The following PDIA6 variants were observed in gnomAD, a reference collection of about 807,000 sequenced individuals.
The protein encoded by PDIA6 is protein disulfide isomerase family A member 6.
In PDIA6, 29 loss-of-function variants were observed where a neutral mutation model predicts 58.4. That is an observed-to-expected ratio of 0.50 (90% CI 0.37 to 0.68). PDIA6 has a LOEUF of 0.68. Ranked by LOEUF, PDIA6 falls within the 30% of genes least tolerant of loss-of-function variation. PDIA6 has a pLI of 0.00. For missense variants in PDIA6, 480 were observed against 551.0 expected, an observed-to-expected ratio of 0.87 and a Z score of 1.29; for synonymous variants, 192 against 202.6, an observed-to-expected ratio of 0.95 and a Z score of 0.44.
intron 2 of PDIA6, among the ~76,000 whole-genome samples, chr2:10,817,844 A>G (rs559625065): frequency 6.6e-6 from 1 of 152,348 alleles, no homozygotes; most frequent in East Asian, 1.9e-4. Context: ...AGAAGATTCT[A>G]TAGTTTTAGC....
chr2:10,797,121 C>G lies in PDIA6; in HGVS notation c.306G>C (p.Lys102Asn). 1 of 1,613,514 alleles carries G rather than the reference C, an allele frequency of 6.2e-7. No homozygotes were observed. Among genetic ancestry groups the G allele is most frequent in the Admixed American group, 1.7e-5 (1 of 59,982 alleles). Reference sequence around the variant, plus strand: ...GTCTGTTTTTGTTGGATCCAAAAATCTTAATGGTAGGAAATCCCTGAACAC... The same window carrying G: ...GTCTGTTTTTGTTGGATCCAAAAATGTTAATGGTAGGAAATCCCTGAACAC... Reference protein sequence around the residue: ...QYGVQGFPTIKIFGSNKNRPE... With the variant: ...QYGVQGFPTINIFGSNKNRPE... The change falls in exon 4 of 13, where the codon AAG (lysine) becomes AAC (asparagine). Residue 102 changes from lysine (K) to asparagine (N), a missense_variant. Physicochemically the swap from Lys to Asn is moderately conservative, Grantham distance 94. Coordinates refer to ENST00000272227, the MANE Select transcript of PDIA6 (RefSeq NM_005742.4).
chr2:10,790,887 T>C, intron 6 of PDIA6, 54 bp from the exon 7 acceptor site: 1 of 1,332,342 alleles, frequency 7.5e-7, no homozygotes, highest in South Asian at 1.2e-5. Context: ...TCTCTCTCTG[T>C]TGCCCAGGCT....
At chr2:10,823,768 C>T (rs1667470044) in intron 1 of PDIA6, among the ~76,000 whole-genome samples, 1 of 152,070 alleles carries the variant, frequency 6.6e-6, no homozygotes, top group African/African-American at 2.4e-5. Context: ...ACACTCACAC[C>T]TCCAGTCATA....
intron 1 of PDIA6, among the ~76,000 whole-genome samples, chr2:10,825,306 G>A (rs1261717117): frequency 8.7e-5 from 13 of 150,094 alleles, no homozygotes; most frequent in African/African-American, 2.4e-4. Flanking sequence ...CTCTCTCTCT[G>A]TATATATATA....
In PDIA6 at chr2:10,797,146, C is replaced by T. The variant is rs1666299195; in HGVS notation, c.281G>A (p.Gly94Asp). The change falls in exon 4 of 13, where the codon GGT (glycine) becomes GAT (aspartate). Residue 94 changes from glycine (G) to aspartate (D), a missense_variant. Coordinates refer to ENST00000272227, the MANE Select transcript of PDIA6 (RefSeq NM_005742.4). ...DKHHSLGGQY[G>D]VQGFPTIKIF... ...CTTAATGGTAGGAAATCCCTGAACA[C>T]CATACTGACCTCCTAGGGAATGATG... 1 of 1,611,504 alleles carries T rather than the reference C, an allele frequency of 6.2e-7. No individual in the cohort carries two copies. The highest frequency in any genetic ancestry group is 1.7e-5 in the Admixed American group (1 of 59,976).
rs368437303 is a variant in PDIA6, at chr2:10,787,397, G to A, written c.1041C>T (p.Thr347=). 1.4e-5 allele frequency: 23 copies of A among 1,613,998 alleles called. No homozygotes were observed. Among genetic ancestry groups the A allele is most frequent in the East Asian group, 4.5e-5 (2 of 44,876 alleles). Residue 347 remains threonine (T), a synonymous_variant, in exon 11 of 13, where the codon ACC becomes ACT. Coordinates refer to ENST00000272227, the MANE Select transcript of PDIA6 (RefSeq NM_005742.4). ...ACCCAAACCCTCCAATCCCCAACGC[G>A]GTCTCAAGTTCAGACTGGGCTCCAG... ...TEAGAQSELE[T]ALGIGGFGYP...
At chr2:10,818,166 C>CTT (rs571475237) in intron 2 of PDIA6, among the ~76,000 whole-genome samples, 5 of 144,734 alleles carry the variant, frequency 3.5e-5, no homozygotes, top group African/African-American at 7.6e-5. Context: ...ACCACTTTAA[C>CTT]TTTTTTTTTT....
intron 1 of PDIA6, among the ~76,000 whole-genome samples, chr2:10,822,552 G>A (rs757212358): frequency 6.0e-4 from 92 of 152,210 alleles, no homozygotes; most frequent in African/African-American, 1.9e-3. Context: ...GTGAGCCACC[G>A]TGCCTGGCCT....
chr2:10,830,149 C>T (rs982007069), intron 1 of PDIA6, among the ~76,000 whole-genome samples: 2 of 152,204 alleles, frequency 1.3e-5, no homozygotes, highest in African/African-American at 2.4e-5. Context: ...TCCTTGCACC[C>T]GCATGTAGAA....
intron 8 of PDIA6, 96 bp from the exon 9 acceptor site, chr2:10,789,077 T>C (rs1665914136): frequency 4.7e-6 from 4 of 843,112 alleles, no homozygotes; most frequent in Non-Finnish European, 8.2e-6. Flanking sequence ...GTCACTTTCA[T>C]TGAAAACATT....
chr2:10,784,213 T>C lies in PDIA6; in HGVS notation c.*45A>G, dbSNP rs1270344905. ...TCCCTTCACTGCTGGAAAAATCCAC[T>C]GGCTCCCAAGAAAAGAAAATGGTCT... On this transcript the variant is annotated 3_prime_UTR_variant, in exon 13 of 13. Coordinates refer to ENST00000272227, the MANE Select transcript of PDIA6 (RefSeq NM_005742.4). 1 of 1,507,730 alleles carries C rather than the reference T, an allele frequency of 6.6e-7. No individual in the cohort carries two copies. The highest frequency in any genetic ancestry group is 9.1e-7 in the Non-Finnish European group (1 of 1,093,938). The allele number at this position is 1,507,730 out of a possible 1,614,324, so 93.4% of individuals were successfully genotyped here. A position where few individuals can be genotyped will look rare whatever the true frequency, so the allele number is the denominator to read the frequency against.
rs555771088 is a variant in PDIA6, at chr2:10,796,168, C to A, written c.346+913G>T. Among the ~76,000 whole-genome samples, 3 of 152,102 alleles carry A rather than the reference C, an allele frequency of 2.0e-5. No homozygotes were observed. In the South Asian group the frequency reaches 6.2e-4, roughly 32 times the overall value. On this transcript the variant is annotated intron_variant, in intron 4 of 12. Transcript: ENST00000272227. ...TTCCGGGTTCACGCCATTCTCCTGC[C>A]TCAGCCTCCAGAGTAGCTGGGACTA... is the stretch of plus-strand genomic sequence containing the variant.
intron 1 of PDIA6, among the ~76,000 whole-genome samples, chr2:10,822,227 C>T (rs141108398): frequency 2.2e-4 from 34 of 151,838 alleles, no homozygotes; most frequent in African/African-American, 8.0e-4. Flanking sequence ...GCATGAGCTA[C>T]TGCACCCAGC....
chr2:10,832,426 T>G, exon 1 of PDIA6: 4 of 985,452 alleles, frequency 4.1e-6, no homozygotes, highest in Non-Finnish European at 4.8e-6. Context: ...TGGGATTCTA[T>G]TAATTCCTGT....
At position 10,822,858 on chromosome 2, in the gene PDIA6, C is replaced by G. The variant is rs114642949; in HGVS notation, c.-47-3504G>C. Among the ~76,000 whole-genome samples the G allele has an allele frequency of 6.0e-3, 910 of 152,360 alleles. 5 individuals carry two copies. Among genetic ancestry groups the G allele is most frequent in the African/African-American group, 0.021 (877 of 41,588 alleles). On this transcript the variant is annotated intron_variant, in intron 1 of 13. Coordinates refer to the PDIA6 transcript ENST00000381611. Reference sequence around the variant, plus strand: ...TGCCTCTCTAGCAAGTCTGAGGAGACAAGCTGTGAGCGCAGCTTCCTGCGG... The same window carrying G: ...TGCCTCTCTAGCAAGTCTGAGGAGAGAAGCTGTGAGCGCAGCTTCCTGCGG...
chr2:10,801,267 C>A (rs1216095427), intron 2 of PDIA6, among the ~76,000 whole-genome samples: 1 of 152,040 alleles, frequency 6.6e-6, no homozygotes, highest in Middle Eastern at 3.2e-3. Context: ...GAAAGTGAGA[C>A]CCTGTCTCTC....
chr2:10,784,123 T>C lies in PDIA6; in HGVS notation c.*135A>G. 5.7e-6 allele frequency: 3 copies of C among 522,500 alleles called. No individual in the cohort carries two copies. The highest frequency in any genetic ancestry group is 7.3e-5 in the South Asian group (2 of 27,432). The allele number at this position is 522,500 out of a possible 1,614,324, so 32.4% of individuals were successfully genotyped here. A position where few individuals can be genotyped will look rare whatever the true frequency, so the allele number is the denominator to read the frequency against. ...AGTTCACTGTTGCAGTGTTTTCAAA[T>C]GACCAATCAAGTACTACTTCTTGGT... On this transcript the variant is annotated 3_prime_UTR_variant, in exon 13 of 13. Transcript: ENST00000272227.
intron 1 of PDIA6, among the ~76,000 whole-genome samples, chr2:10,827,582 G>A (rs1431503679): frequency 2.6e-5 from 4 of 152,054 alleles, no homozygotes; most frequent in African/African-American, 9.7e-5. Context: ...CCAGCACTTT[G>A]GGAGGCTGAG....
chr2:10,787,428 G>A lies in PDIA6; in HGVS notation c.1010C>T (p.Thr337Ile), dbSNP rs1006751506. Residue 337 changes from threonine (T) to isoleucine (I), a missense_variant, in exon 11 of 13, where the codon ACA (threonine) becomes ATA (isoleucine). By Grantham distance (89) the Thr-to-Ile change is moderately conservative. Transcript: ENST00000272227. ...AAGTTCAGACTGGGCTCCAGCTTCT[G>A]TCCACAGCCACCTAGAAAACCAGAC... ...YKKKMWGWLW[T>I]EAGAQSELET... is the part of the protein sequence containing the mutation. 1.2e-6 allele frequency: 2 copies of A among 1,611,312 alleles called. No homozygotes were observed. Among genetic ancestry groups the A allele is most frequent in the African/African-American group, 2.7e-5 (2 of 74,806 alleles).
Sources: allele counts gnomAD v4.1 joint callset (sites outside exome capture counted in the v4.1 genomes callset), GRCh38; gene constraint gnomAD v4.1.1; transcripts MANE v1.5; gene names NCBI Gene and HGNC (gene_info 2026-07-23, HGNC 2026-07-21).